Variants in TAF1B observed in about 807,000 individuals in gnomAD.
TAF1B encodes TATA box-binding protein-associated factor RNA polymerase I subunit B.
TAF1B carries 61 observed loss-of-function variants against 83.9 expected under a neutral mutation model. The observed-to-expected ratio is 0.73, with a 90% CI of 0.59 to 0.90. The LOEUF is 0.90. Among genes scored for constraint, TAF1B ranks in the 40% least tolerant of loss-of-function variants. TAF1B has a pLI of 0.00. For synonymous variants in TAF1B, 221 were observed against 224.6 expected, an observed-to-expected ratio of 0.98 and a Z score of 0.14; for missense variants, 625 against 677.0, an observed-to-expected ratio of 0.92 and a Z score of 0.85.
rs1666308760 is a variant in TAF1B, at chr2:9,934,290, C to T, written c.*306C>T. ...GCTAAATTTATTTTTTAAACTAGATCCCTTCATTATTCTTTATGCCCCAGA... is the reference window on the plus strand; with the variant it reads ...GCTAAATTTATTTTTTAAACTAGATTCCTTCATTATTCTTTATGCCCCAGA... On this transcript the variant is annotated 3_prime_UTR_variant, in exon 15 of 15. Coordinates refer to ENST00000263663, the MANE Select transcript of TAF1B (RefSeq NM_005680.3). 4.9e-6 allele frequency: 1 copy of T among 204,210 alleles called. No homozygotes were observed. The highest frequency in any genetic ancestry group is 2.3e-5 in the African/African-American group (1 of 42,932). 12.6% of individuals were successfully genotyped at this position (204,210 alleles called of 1,614,324 possible).
Position 9,910,931 on chromosome 2 carries a change from T to A in TAF1B, c.1133+18T>A, listed in dbSNP as rs1422948881. 1.2e-5 allele frequency: 19 copies of A among 1,586,696 alleles called. No individual in the cohort carries two copies. Among genetic ancestry groups the A allele is most frequent in the Non-Finnish European group, 1.6e-5 (19 of 1,165,288 alleles). On this transcript the variant is annotated intron_variant, in intron 10 of 14. Transcript: ENST00000263663. ...TTCGAGTGGTAAGTGTACGTCAATTTTATGACAAGTAACATTTTATGGTGC... is the reference window on the plus strand; with the variant it reads ...TTCGAGTGGTAAGTGTACGTCAATTATATGACAAGTAACATTTTATGGTGC...
chr2:9,929,363 T>G (rs1666142098), intron 14 of TAF1B, among the ~76,000 whole-genome samples: 1 of 152,190 alleles, frequency 6.6e-6, no homozygotes, highest in African/African-American at 2.4e-5. Flanking sequence ...TTTCACCGTG[T>G]TAGCCAAGAC....
At chr2:9,881,144 G>A (rs1664491443) in intron 7 of TAF1B, among the ~76,000 whole-genome samples, 1 of 152,100 alleles carries the variant, frequency 6.6e-6, no homozygotes, top group Non-Finnish European at 1.5e-5. Context: ...GAACAGCCTG[G>A]CCAACATGGT....
chr2:9,890,853 C>T (rs1243640925), intron 8 of TAF1B, among the ~76,000 whole-genome samples: 2 of 152,204 alleles, frequency 1.3e-5, no homozygotes, highest in East Asian at 3.8e-4. Context: ...TCACCACAAC[C>T]TCCACCTCCC....
chr2:9,874,725 A>G (rs1192674901), intron 6 of TAF1B, among the ~76,000 whole-genome samples: 1 of 152,214 alleles, frequency 6.6e-6, no homozygotes, highest in Non-Finnish European at 1.5e-5. Context: ...TGGTGAATGA[A>G]TGAAGATACC....
intron 5 of TAF1B, among the ~76,000 whole-genome samples, chr2:9,855,931 A>G (rs555152242): frequency 6.6e-6 from 1 of 152,314 alleles, no homozygotes; most frequent in South Asian, 2.1e-4. Flanking sequence ...TATTGCTTGC[A>G]CCGTAGTAAA....
At chr2:9,878,378 A>G (rs527502636) in intron 7 of TAF1B, among the ~76,000 whole-genome samples, 2 of 152,230 alleles carry the variant, frequency 1.3e-5, no homozygotes, top group Admixed American at 6.5e-5. Context: ...ATGAGCCACC[A>G]TGCCTGGCCC....
In TAF1B at chr2:9,845,205, CCTCTT is replaced by C; in HGVS notation, c.19-11_19-7del. The stretch of plus-strand genomic sequence containing the variant: ...GGCTTGATGGGAACACCTTTTCTGT[CCTCTT>C]CTCCCATAGGAAGAGTTTAAAGAAC... On this transcript the variant is annotated splice_polypyrimidine_tract_variant and intron_variant, in intron 1 of 14. Transcript: ENST00000263663. 2 of 1,599,290 alleles carry C rather than the reference CCTCTT, an allele frequency of 1.3e-6. No homozygotes were observed. Among genetic ancestry groups the C allele is most frequent in the African/African-American group, 1.4e-5 (1 of 73,616 alleles).
At chr2:9,843,592 C>A (rs754486193) in intron 1 of TAF1B, 33 bp downstream of exon 1, 1 of 1,481,726 alleles carries the variant, frequency 6.7e-7, no homozygotes, top group Non-Finnish European at 9.0e-7. Flanking sequence ...GGGCCACGAT[C>A]GCCGGGGCCG....
chr2:9,866,309 T>C (rs527717783), intron 5 of TAF1B, among the ~76,000 whole-genome samples: 2 of 152,310 alleles, frequency 1.3e-5, no homozygotes, highest in South Asian at 4.1e-4. Context: ...AGAAGACATT[T>C]ATGCAGCCCA....
intron 14 of TAF1B, among the ~76,000 whole-genome samples, chr2:9,926,373 C>G (rs1036867888): frequency 2.6e-5 from 4 of 152,156 alleles, no homozygotes; most frequent in Admixed American, 1.3e-4. Flanking sequence ...AAGGCCCCAC[C>G]TCTTTATCTC....
chr2:9,921,815 G>GT (rs1441864470), intron 14 of TAF1B, among the ~76,000 whole-genome samples: 1 of 152,108 alleles, frequency 6.6e-6, no homozygotes, highest in Non-Finnish European at 1.5e-5. Flanking sequence ...ATGCCATGAA[G>GT]TTTTTTTCTC....
chr2:9,921,427 C>T (rs1312560762), intron 14 of TAF1B, among the ~76,000 whole-genome samples: 2 of 152,138 alleles, frequency 1.3e-5, no homozygotes, highest in Admixed American at 1.3e-4. Flanking sequence ...TTTCCTCAGG[C>T]AGTAGATAGT....
intron 6 of TAF1B, among the ~76,000 whole-genome samples, chr2:9,875,628 G>A (rs574846025): frequency 2.6e-4 from 39 of 152,118 alleles, no homozygotes; most frequent in Non-Finnish European, 5.3e-4. Flanking sequence ...CTCGTGAGAT[G>A]TATTCACTCT....
At chr2:9,912,507 A>C (rs1003394390) in intron 11 of TAF1B, among the ~76,000 whole-genome samples, 3 of 152,232 alleles carry the variant, frequency 2.0e-5, no homozygotes, top group African/African-American at 7.2e-5. Flanking sequence ...GTTGGCTTCT[A>C]TGTAGAGTGA....
chr2:9,890,479 A>G (rs977589250), intron 8 of TAF1B, among the ~76,000 whole-genome samples: 4 of 152,082 alleles, frequency 2.6e-5, no homozygotes, highest in African/African-American at 4.8e-5. Flanking sequence ...TCATTCTTGG[A>G]TTTTTTTAAA....
intron 5 of TAF1B, among the ~76,000 whole-genome samples, chr2:9,862,473 G>A (rs981996417): frequency 6.6e-6 from 1 of 152,208 alleles, no homozygotes; most frequent in Admixed American, 6.5e-5. Context: ...TCTTATTGGT[G>A]TACCTGAAAG....
chr2:9,921,858 A>G (rs1665888796), intron 14 of TAF1B, among the ~76,000 whole-genome samples: 1 of 152,222 alleles, frequency 6.6e-6, no homozygotes, highest in African/African-American at 2.4e-5. Context: ...TCCGTTTTAT[A>G]TAATAATAGC....
chr2:9,919,039 A>G lies in TAF1B; in HGVS notation c.1272-2A>G, dbSNP rs113138392. 1 of 1,612,070 alleles carries G rather than the reference A, an allele frequency of 6.2e-7. No individual in the cohort carries two copies. The highest frequency in any genetic ancestry group is 1.3e-5 in the African/African-American group (1 of 74,980). ...CTCCAGCTGTTTCTTTACCTTGTAC[A>G]GGTACCTGTGGAAAAGTGAAAAGCC... On this transcript the variant is annotated splice_acceptor_variant, in intron 12 of 14. Transcript: ENST00000263663. LOFTEE classifies it high-confidence loss of function.
Sources: allele counts gnomAD v4.1 joint callset (sites outside exome capture counted in the v4.1 genomes callset), GRCh38; gene constraint gnomAD v4.1.1; transcripts MANE v1.5; gene names NCBI Gene and HGNC (gene_info 2026-07-23, HGNC 2026-07-21).